The following GRIA1 variants were observed in gnomAD, a reference collection of about 807,000 sequenced individuals.
The protein encoded by GRIA1 is glutamate receptor 1.
In GRIA1, 31 loss-of-function variants were observed where a neutral mutation model predicts 99.2. The observed-to-expected ratio is 0.31, with a 90% confidence interval of 0.23 to 0.42. The LOEUF (loss-of-function observed/expected upper bound fraction) is 0.42. Ranked by LOEUF, GRIA1 falls within the 10% of genes least tolerant of loss-of-function variation. The probability of loss-of-function intolerance (pLI) is 1.00; values close to 1 mark genes in which losing one functional copy is unlikely to be tolerated. For synonymous variants in GRIA1, 438 were observed against 432.4 expected (o/e 1.01, Z -0.16); for missense variants, 782 against 1,157.5 (o/e 0.68, Z 4.71).
At chr5:153,506,316 G>GGTGT (rs61220170) in intron 2 of GRIA1, among the ~76,000 whole-genome samples, 16,664 of 140,194 alleles carry the variant, frequency 0.12, 1,011 homozygotes, top group Middle Eastern at 0.25. Context: ...TGGCAAGAAG[G>GGTGT]GTGTGTGTGT....
intron 13 of GRIA1, among the ~76,000 whole-genome samples, chr5:153,780,862 C>T (rs1047722203): frequency 2.0e-5 from 3 of 152,158 alleles, no homozygotes; most frequent in African/African-American, 4.8e-5. Flanking sequence ...CTACACCACA[C>T]TACGATTGTT....
At chr5:153,741,697 A>G (rs1327310564) in intron 11 of GRIA1, among the ~76,000 whole-genome samples, 1 of 152,198 alleles carries the variant, frequency 6.6e-6, no homozygotes, top group Non-Finnish European at 1.5e-5. Flanking sequence ...AGATATCTAC[A>G]ATAGTCAAAT....
At chr5:153,600,973 C>T (rs1764902863) in intron 2 of GRIA1, among the ~76,000 whole-genome samples, 1 of 152,172 alleles carries the variant, frequency 6.6e-6, no homozygotes, top group African/African-American at 2.4e-5. Context: ...CTGAGCTGAT[C>T]AGATGCTTGA....
chr5:153,757,855 T>C lies in GRIA1; in HGVS notation c.1824-6579T>C, dbSNP rs2149598835. Among the ~76,000 whole-genome samples the C allele has an allele frequency of 1.3e-5, 2 of 152,294 alleles. 1 individual carries two copies. The highest frequency in any genetic ancestry group is 4.8e-5 in the African/African-American group (2 of 41,586). On this transcript the variant is annotated intron_variant, in intron 11 of 15. Transcript: ENST00000285900. The stretch of plus-strand genomic sequence containing the variant: ...ACACTATGTGTAACAATAAAACATC[T>C]GAAGTTATAAAACTCACTGGTAAAA...
chr5:153,613,870 C>T (rs1766226774), intron 2 of GRIA1, among the ~76,000 whole-genome samples: 1 of 152,190 alleles, frequency 6.6e-6, no homozygotes, highest in Non-Finnish European at 1.5e-5. Context: ...CTTAGGCAAA[C>T]ATTCCAGTGC....
intron 2 of GRIA1, among the ~76,000 whole-genome samples, chr5:153,599,639 A>G (rs1764723444): frequency 1.3e-5 from 2 of 152,154 alleles, no homozygotes; most frequent in Non-Finnish European, 1.5e-5. Flanking sequence ...TATTTTTAAT[A>G]TTTTCAATCT....
chr5:153,693,379 A>G (rs189169940), intron 8 of GRIA1, among the ~76,000 whole-genome samples: 3 of 152,334 alleles, frequency 2.0e-5, no homozygotes, highest in Admixed American at 1.3e-4. Flanking sequence ...AAGGAAAATA[A>G]GAATGCTTGG....
intron 2 of GRIA1, among the ~76,000 whole-genome samples, chr5:153,501,895 G>A (rs1755046462): frequency 6.6e-6 from 1 of 152,216 alleles, no homozygotes; most frequent in South Asian, 2.1e-4. Context: ...GATTCATTCA[G>A]AGTCCTCATT....
chr5:153,517,903 G>T (rs1399964598), intron 2 of GRIA1, among the ~76,000 whole-genome samples: 2 of 152,082 alleles, frequency 1.3e-5, no homozygotes, highest in African/African-American at 4.8e-5. Context: ...CCCTTCCTTG[G>T]CCTACAAGGC....
At chr5:153,577,158 A>T (rs200471116) in intron 2 of GRIA1, among the ~76,000 whole-genome samples, 4 of 3,746 alleles carry the variant, frequency 1.1e-3, no homozygotes, top group East Asian at 0.042. Flanking sequence ...GGATGGTTGG[A>T]TGGATGGATG....
Position 153,650,363 on chromosome 5 carries a change from C to T in GRIA1, c.494C>T (p.Ala165Val). 1 of 1,613,968 alleles carries T rather than the reference C, an allele frequency of 6.2e-7. No individual in the cohort carries two copies. Among genetic ancestry groups the T allele is most frequent in the Non-Finnish European group, 8.5e-7 (1 of 1,179,894 alleles). Residue 165 changes from alanine to valine, a missense_variant, in exon 4 of 16, where the codon GCT (alanine) becomes GTT (valine). Coordinates refer to ENST00000285900, the MANE Select transcript of GRIA1 (RefSeq NM_000827.4). ...GTCCTGCAGAAAGTCCTGGATACAG[C>T]TGCTGAGAAGAACTGGCAGGTGACA... ...LSVLQKVLDT[A>V]AEKNWQVTAV... is the part of the protein sequence containing the mutation.
chr5:153,545,540 G>A (rs970760898), intron 2 of GRIA1, among the ~76,000 whole-genome samples: 10 of 152,100 alleles, frequency 6.6e-5, no homozygotes, highest in African/African-American at 2.2e-4. Context: ...CATACTGGAG[G>A]GAGAACATCA....
Position 153,811,092 on chromosome 5 carries a change from G to A in GRIA1, c.2588G>A (p.Ser863Asn). The stretch of plus-strand genomic sequence containing the variant: ...CGGACATCGACCCTCCCCCGCAACA[G>A]CGGGGCAGGAGCCAGCAGCGGCGGC... ...AIRTSTLPRN[S>N]GAGASSGGSG... Residue 863 changes from serine to asparagine, a missense_variant, in exon 16 of 16, where the codon AGC becomes AAC. This residue lies in a region of GRIA1 where 76 missense variants were observed against 81.2 expected (regional missense o/e 0.94). Transcript: ENST00000285900. 1 of 1,614,100 alleles carries A rather than the reference G, an allele frequency of 6.2e-7. No individual in the cohort carries two copies. The highest frequency in any genetic ancestry group is 8.5e-7 in the Non-Finnish European group (1 of 1,179,970).
rs754412732 is a variant in GRIA1 at position 153,699,062 on chromosome 5, C to T, written c.1441C>T (p.Leu481=). 33 of 1,611,692 alleles carry T rather than the reference C, an allele frequency of 2.0e-5. No individual in the cohort carries two copies. In the African/African-American group the frequency reaches 4.1e-4, roughly 20 times the overall value. ...GGCCTGGAATGGCATGGTGGGAGAG[C>T]TGGTCTATGGAGTAAGTTCACTGCA... The part of the protein sequence containing the change: ...TKAWNGMVGE[L]VYGRADVAVA... The change falls in exon 10 of 16, where the codon CTG becomes TTG. Residue 481 remains leucine (L), a synonymous_variant. Coordinates refer to ENST00000285900, the MANE Select transcript of GRIA1 (RefSeq NM_000827.4).
chr5:153,694,597 C>G (rs1000637118), intron 8 of GRIA1, among the ~76,000 whole-genome samples: 2 of 152,164 alleles, frequency 1.3e-5, no homozygotes, highest in Non-Finnish European at 1.5e-5. Flanking sequence ...AGGCAGGTAC[C>G]ATTGTTACAT....
chr5:153,619,932 C>A lies in GRIA1; in HGVS notation c.221-26996C>A, dbSNP rs1493401. On this transcript the variant is annotated intron_variant, in intron 2 of 15. Coordinates refer to ENST00000285900, the MANE Select transcript of GRIA1 (RefSeq NM_000827.4). Reference sequence around the variant, plus strand: ...CCAAACTCCACCCCAGAGCACTTACCGCTTCCCTGTAGATAAATATAAGGA... The same window carrying A: ...CCAAACTCCACCCCAGAGCACTTACAGCTTCCCTGTAGATAAATATAAGGA... 1.6e-3 allele frequency among the ~76,000 whole-genome samples: 237 copies of A among 152,190 alleles called. 1 individual carries two copies. The highest frequency in any genetic ancestry group is 5.6e-3 in the African/African-American group (232 of 41,530).
At chr5:153,693,453 C>T (rs1190040879) in intron 8 of GRIA1, among the ~76,000 whole-genome samples, 2 of 152,130 alleles carry the variant, frequency 1.3e-5, no homozygotes, top group African/African-American at 4.8e-5. Flanking sequence ...ACTAAAGGAT[C>T]TTATTTTTTG....
chr5:153,628,763 C>A (rs1767873779), intron 2 of GRIA1, among the ~76,000 whole-genome samples: 1 of 152,126 alleles, frequency 6.6e-6, no homozygotes. Context: ...TACAATAGAG[C>A]AAATTATTGA....
chr5:153,689,314 G>A (rs575283848), intron 8 of GRIA1, among the ~76,000 whole-genome samples: 6 of 152,264 alleles, frequency 3.9e-5, no homozygotes, highest in Non-Finnish European at 7.3e-5. Context: ...ATAGAAAATT[G>A]TTGACCATAG....
Sources: gnomAD v4.1 joint callset for allele counts (sites outside exome capture counted in the v4.1 genomes callset) on GRCh38, gnomAD v4.1.1 for gene constraint, gnomAD v4.1.1 regional missense constraint, MANE v1.5 for transcripts, NCBI Gene and HGNC (gene_info 2026-07-23, HGNC 2026-07-21) for gene names.